PRKAG2: variants seen among roughly 807,000 people sequenced by gnomAD.
PRKAG2 encodes the protein 5'-AMP-activated protein kinase subunit gamma-2.
A neutral mutation model predicts 69.6 loss-of-function variants in PRKAG2; 26 were observed. That is an observed-to-expected ratio of 0.37 (90% CI 0.27 to 0.52). PRKAG2 has a LOEUF of 0.52. Among genes scored for constraint, PRKAG2 ranks in the 20% least tolerant of loss-of-function variants. The probability of loss-of-function intolerance (pLI) is 0.90; values close to 1 mark genes in which losing one functional copy is unlikely to be tolerated. For synonymous variants in PRKAG2, 293 were observed against 285.0 expected (o/e 1.03, Z -0.28); for missense variants, 557 against 740.0 (o/e 0.75, Z 2.87).
rs1206271910 is a variant in PRKAG2, at chr7:151,756,874, C to A, written c.466+24278G>T. ...ATCTGCTTTTAGTACGGAGAGTAAC[C>A]CTCTTCCAGGTAGGACCCGGGCTGA... On this transcript the variant is annotated intron_variant, in intron 3 of 15. Coordinates refer to ENST00000287878, the MANE Select transcript of PRKAG2 (RefSeq NM_016203.4). This position sits in a 1 kb window ranked among gnomAD's most constrained non-coding sequence, Gnocchi z 4.9. Among the ~76,000 whole-genome samples the A allele has an allele frequency of 6.6e-6, 1 of 152,142 alleles. No individual in the cohort carries two copies. The highest frequency in any genetic ancestry group is 1.5e-5 in the Non-Finnish European group (1 of 68,022).
chr7:151,830,241 A>C (rs73160034), intron 1 of PRKAG2, among the ~76,000 whole-genome samples: 38,722 of 151,312 alleles, frequency 0.26, 5,510 homozygotes, highest in Non-Finnish European at 0.29. Flanking sequence ...GCCGAGAGGA[A>C]CCTATCTGTC....
chr7:151,660,982 G>A (rs1351603964), intron 4 of PRKAG2, among the ~76,000 whole-genome samples: 1 of 152,194 alleles, frequency 6.6e-6, no homozygotes, highest in Non-Finnish European at 1.5e-5. Flanking sequence ...TGCTCACACT[G>A]TGGTGTAACC....
chr7:151,561,830 G>A (rs1377171344), intron 14 of PRKAG2, among the ~76,000 whole-genome samples: 1 of 152,034 alleles, frequency 6.6e-6, no homozygotes, highest in African/African-American at 2.4e-5. Flanking sequence ...CTACTCAGGA[G>A]GCTGAGACAG....
At chr7:151,821,309 G>A (rs1280882884) in intron 1 of PRKAG2, among the ~76,000 whole-genome samples, 1 of 152,192 alleles carries the variant, frequency 6.6e-6, no homozygotes, top group African/African-American at 2.4e-5. Flanking sequence ...CACTGTCAAG[G>A]CTCTGGAAGG....
chr7:151,690,329 C>G (rs1730793236), intron 3 of PRKAG2, among the ~76,000 whole-genome samples: 1 of 152,166 alleles, frequency 6.6e-6, no homozygotes. Flanking sequence ...GAGAACTCAG[C>G]CCTCTGTTTG....
chr7:151,696,853 G>T (rs1208112197), intron 3 of PRKAG2, among the ~76,000 whole-genome samples: 1 of 152,200 alleles, frequency 6.6e-6, no homozygotes, highest in Non-Finnish European at 1.5e-5. Context: ...CCTCTGGCTG[G>T]GAGGGGCCCT....
Position 151,779,252 on chromosome 7 carries a change from T to C in PRKAG2, c.466+1900A>G, listed in dbSNP as rs187661742. On this transcript the variant is annotated intron_variant, in intron 3 of 15. Coordinates refer to ENST00000287878, the MANE Select transcript of PRKAG2 (RefSeq NM_016203.4). ...ACAGCTCATTTCCCAGGCTGAACAG[T>C]GGACAGCACCAAACCTCCCACCAAA... Among the ~76,000 whole-genome samples the C allele has an allele frequency of 1.2e-3, 183 of 152,348 alleles. 1 individual carries two copies. The highest frequency in any genetic ancestry group is 4.1e-3 in the African/African-American group (171 of 41,566).
chr7:151,735,876 G>A (rs1438718990), intron 3 of PRKAG2: 7 of 1,536,036 alleles, frequency 4.6e-6, no homozygotes, highest in Non-Finnish European at 6.1e-6. Flanking sequence ...ACCACCAGGG[G>A]CTCGGGAATG....
intron 1 of PRKAG2, among the ~76,000 whole-genome samples, chr7:151,857,940 G>A (rs1340863413): frequency 6.6e-6 from 1 of 152,220 alleles, no homozygotes; most frequent in Admixed American, 6.5e-5. Flanking sequence ...TCCTTTGGCT[G>A]CTCCCTAAGG....
intron 4 of PRKAG2, among the ~76,000 whole-genome samples, chr7:151,645,321 A>G (rs1827379420): frequency 6.6e-6 from 1 of 152,230 alleles, no homozygotes; most frequent in African/African-American, 2.4e-5. Context: ...TAAGGCTCTC[A>G]GTCTAACCGC....
chr7:151,585,708 TGC>T, intron 6 of PRKAG2, among the ~76,000 whole-genome samples: 1 of 152,370 alleles, frequency 6.6e-6, no homozygotes, highest in African/African-American at 2.4e-5. Flanking sequence ...AATTAGATGA[TGC>T]CATCAATGAA....
chr7:151,860,907 A>G (rs1324138079), intron 1 of PRKAG2, among the ~76,000 whole-genome samples: 11 of 152,100 alleles, frequency 7.2e-5, no homozygotes, highest in Admixed American at 7.2e-4. Flanking sequence ...CGAGACTCCA[A>G]GGACCCTAAA....
At position 151,775,917 on chromosome 7, in the gene PRKAG2, G is replaced by A. The variant is rs968986772; in HGVS notation, c.466+5235C>T. ...CAGTGGGGGAGCAATCTACAGTCTGGGAACCCTGATCCAGGAATAGATTTC... is the reference window on the plus strand; with the variant it reads ...CAGTGGGGGAGCAATCTACAGTCTGAGAACCCTGATCCAGGAATAGATTTC... On this transcript the variant is annotated intron_variant, in intron 3 of 15. Transcript: ENST00000287878. Among the ~76,000 whole-genome samples, 67 of 152,182 alleles carry A rather than the reference G, an allele frequency of 4.4e-4. 4 individuals carry two copies. Among genetic ancestry groups the A allele is most frequent in the Non-Finnish European group, 1.6e-4 (11 of 68,034 alleles).
intron 8 of PRKAG2, among the ~76,000 whole-genome samples, chr7:151,573,074 C>T (rs1336981192): frequency 2.0e-5 from 3 of 151,716 alleles, no homozygotes; most frequent in Non-Finnish European, 4.4e-5. Context: ...GATGGTACCA[C>T]TGCATTCCAG....
intron 15 of PRKAG2, 180 bp from the exon 16 acceptor site, chr7:151,557,412 A>G (rs1803982255): frequency 2.0e-6 from 2 of 985,264 alleles, no homozygotes; most frequent in Non-Finnish European, 2.4e-6. Context: ...TCGTTCGGGC[A>G]GCTTGGATCC....
chr7:151,644,277 A>G (rs1443556890), intron 4 of PRKAG2, among the ~76,000 whole-genome samples: 1 of 152,208 alleles, frequency 6.6e-6, no homozygotes, highest in Non-Finnish European at 1.5e-5. Flanking sequence ...TGTTAAAGAG[A>G]AAATTAAAAA....
chr7:151,783,170 C>G (rs965727610), intron 2 of PRKAG2, among the ~76,000 whole-genome samples: 3 of 152,226 alleles, frequency 2.0e-5, no homozygotes, highest in Non-Finnish European at 4.4e-5. Flanking sequence ...ACCCGCGCAG[C>G]ACAGCCTCCC....
intron 1 of PRKAG2, among the ~76,000 whole-genome samples, chr7:151,813,829 C>T (rs1208641749): frequency 1.3e-5 from 2 of 152,228 alleles, no homozygotes; most frequent in Admixed American, 6.5e-5. Context: ...GCTCCACGCT[C>T]CGCAGGAGGC....
At chr7:151,575,554 C>T (rs1808684733) in intron 7 of PRKAG2, among the ~76,000 whole-genome samples, 1 of 152,180 alleles carries the variant, frequency 6.6e-6, no homozygotes, top group Non-Finnish European at 1.5e-5. Flanking sequence ...GTAACGATGG[C>T]ATTTAGATAG....
Sources: allele counts gnomAD v4.1 joint callset (sites outside exome capture counted in the v4.1 genomes callset), GRCh38; gene constraint gnomAD v4.1.1; non-coding constraint Gnocchi (gnomAD v3.1); transcripts MANE v1.5; gene names NCBI Gene and HGNC (gene_info 2026-07-23, HGNC 2026-07-21).